The following CTNND2 variants were observed in gnomAD, a reference collection of about 807,000 sequenced individuals.
CTNND2 encodes catenin delta-2.
In CTNND2, 22 loss-of-function variants were observed where a neutral mutation model predicts 144.4. The observed-to-expected ratio is 0.15, with a 90% CI of 0.11 to 0.22. The LOEUF (loss-of-function observed/expected upper bound fraction) is 0.22, where lower values mean the gene tolerates loss of function less well. CTNND2 is among the 10% of genes least tolerant of loss of function. The probability of loss-of-function intolerance (pLI) is 1.00; values close to 1 mark genes in which losing one functional copy is unlikely to be tolerated. For synonymous variants in CTNND2, 751 were observed against 695.6 expected (o/e 1.08, Z -1.25); for missense variants, 1,353 against 1,618.8 (o/e 0.84, Z 2.82).
At chr5:11,208,412 GA>G (rs1738276764) in intron 10 of CTNND2, among the ~76,000 whole-genome samples, 1 of 152,032 alleles carries the variant, frequency 6.6e-6, no homozygotes, top group African/African-American at 2.4e-5. Context: ...GAGAATTATG[GA>G]AAGATGAACA....
At chr5:11,102,969 G>GTTTTTTTTTTT (rs1752045639) in intron 14 of CTNND2, among the ~76,000 whole-genome samples, 1 of 109,968 alleles carries the variant, frequency 9.1e-6, no homozygotes, top group Non-Finnish European at 1.9e-5. Flanking sequence ...CTATTTAAAA[G>GTTTTTTTTTTT]ATTTTTTTTT....
chr5:11,177,636 C>CT (rs1298582167), intron 11 of CTNND2, among the ~76,000 whole-genome samples: 1 of 151,694 alleles, frequency 6.6e-6, no homozygotes. Flanking sequence ...TTTTGAGGAA[C>CT]TTTTTTTTGG....
At chr5:11,476,453 C>T (rs1438375778) in intron 3 of CTNND2, among the ~76,000 whole-genome samples, 6 of 152,070 alleles carry the variant, frequency 3.9e-5, no homozygotes, top group Non-Finnish European at 5.9e-5. Flanking sequence ...GTCCAGATGG[C>T]TTAGGAAAAT....
intron 1 of CTNND2, among the ~76,000 whole-genome samples, chr5:11,771,640 AC>A (rs1789948126): frequency 2.0e-5 from 3 of 152,010 alleles, no homozygotes; most frequent in Admixed American, 6.6e-5. Flanking sequence ...CCTTCTCCTG[AC>A]CCCCGTCTAT....
chr5:11,893,715 G>A (rs1274049486), intron 1 of CTNND2, among the ~76,000 whole-genome samples: 1 of 152,028 alleles, frequency 6.6e-6, no homozygotes, highest in Non-Finnish European at 1.5e-5. Context: ...CTCACACTCC[G>A]CTTCTGTCCT....
At chr5:11,590,003 A>C (rs1204169172) in intron 2 of CTNND2, among the ~76,000 whole-genome samples, 1 of 152,180 alleles carries the variant, frequency 6.6e-6, no homozygotes, top group South Asian at 2.1e-4. Context: ...ATTAGTTCAA[A>C]TAGGAACTAA....
At chr5:11,852,385 A>G (rs1181991249) in intron 1 of CTNND2, among the ~76,000 whole-genome samples, 1 of 152,168 alleles carries the variant, frequency 6.6e-6, no homozygotes, top group Non-Finnish European at 1.5e-5. Flanking sequence ...CTATATTCCT[A>G]CCTTGACCCT....
At chr5:11,268,909 T>C (rs1008112879) in intron 9 of CTNND2, among the ~76,000 whole-genome samples, 2 of 152,224 alleles carry the variant, frequency 1.3e-5, no homozygotes, top group South Asian at 2.1e-4. Flanking sequence ...AGGTTTTCAG[T>C]AGGATTCTCA....
intron 18 of CTNND2, among the ~76,000 whole-genome samples, chr5:10,998,617 TCCGATG>T (rs1739594238): frequency 6.6e-6 from 1 of 152,154 alleles, no homozygotes. Context: ...AAACTTTAGT[TCCGATG>T]CCACATACAG....
chr5:11,101,329 G>A (rs1580286332), intron 14 of CTNND2, among the ~76,000 whole-genome samples: 1 of 152,198 alleles, frequency 6.6e-6, no homozygotes. Context: ...TAACATGCTT[G>A]ATATTATTTT....
intron 8 of CTNND2, among the ~76,000 whole-genome samples, chr5:11,350,828 C>T (rs1755257761): frequency 6.6e-6 from 1 of 151,962 alleles, no homozygotes; most frequent in Admixed American, 6.5e-5. Context: ...AATGTAATAC[C>T]TTACTTTGTA....
intron 3 of CTNND2, among the ~76,000 whole-genome samples, chr5:11,481,617 G>T (rs951159047): frequency 1.3e-5 from 2 of 151,986 alleles, no homozygotes; most frequent in Admixed American, 6.6e-5. Flanking sequence ...GAGAGGGAGG[G>T]AGAGACGGAG....
At chr5:11,521,537 C>T (rs548296244) in intron 3 of CTNND2, among the ~76,000 whole-genome samples, 72 of 152,186 alleles carry the variant, frequency 4.7e-4, no homozygotes, top group Non-Finnish European at 9.6e-4. Context: ...ATTCTCACCA[C>T]CATCATTAAA....
chr5:11,273,150 T>C (rs963601940), intron 9 of CTNND2, among the ~76,000 whole-genome samples: 2 of 152,242 alleles, frequency 1.3e-5, no homozygotes, highest in Non-Finnish European at 2.9e-5. Context: ...CATATAATAT[T>C]TTCAATTTTG....
At chr5:11,009,537 G>A (rs755041049) in intron 18 of CTNND2, among the ~76,000 whole-genome samples, 1 of 152,192 alleles carries the variant, frequency 6.6e-6, no homozygotes, top group Non-Finnish European at 1.5e-5. Context: ...TGAGTTAATT[G>A]CCCCAAAGTA....
chr5:11,349,380 A>C (rs556018198), intron 8 of CTNND2, among the ~76,000 whole-genome samples: 2 of 152,124 alleles, frequency 1.3e-5, no homozygotes, highest in Non-Finnish European at 2.9e-5. Context: ...CAACAGTCCT[A>C]TAAGAGAGTA....
intron 2 of CTNND2, among the ~76,000 whole-genome samples, chr5:11,731,925 C>T (rs1022674786): frequency 6.6e-6 from 1 of 151,932 alleles, no homozygotes; most frequent in African/African-American, 2.4e-5. Context: ...TTTTTCTTCC[C>T]CTATAAAATA....
At chr5:11,469,322 AAG>A (rs1461285562) in intron 3 of CTNND2, among the ~76,000 whole-genome samples, 1 of 152,178 alleles carries the variant, frequency 6.6e-6, no homozygotes, top group East Asian at 1.9e-4. Context: ...CTGACCTCTG[AAG>A]AGTTTCTGGT....
chr5:11,116,111 T>C (rs1405933464), intron 13 of CTNND2, among the ~76,000 whole-genome samples: 1 of 152,226 alleles, frequency 6.6e-6, no homozygotes, highest in East Asian at 1.9e-4. Flanking sequence ...TGACCAGAGT[T>C]AGACAGTTGG....
Sources: gnomAD v4.1 joint callset for allele counts (sites outside exome capture counted in the v4.1 genomes callset) on GRCh38, gnomAD v4.1.1 for gene constraint, MANE v1.5 for transcripts, NCBI Gene and HGNC (gene_info 2026-07-23, HGNC 2026-07-21) for gene names.